Variants in PCDH11X observed in about 807,000 individuals in gnomAD.
PCDH11X encodes protocadherin 11 X-linked.
A neutral mutation model predicts 53.3 loss-of-function variants in PCDH11X; 18 were observed. The ratio of observed to expected loss-of-function variants is 0.34; its 90% confidence interval spans 0.23 to 0.50. The LOEUF (loss-of-function observed/expected upper bound fraction) is 0.50. Among genes scored for constraint, PCDH11X ranks in the 20% least tolerant of loss-of-function variants. The pLI is 0.98. For missense variants in PCDH11X, 570 were observed against 1,032.4 expected (o/e 0.55, Z 6.14); for synonymous variants, 279 against 393.3 (o/e 0.71, Z 3.44).
At position 92,056,390 on chromosome X, in the gene PCDH11X, T is replaced by G. The variant is rs187307811; in HGVS notation, c.3034-144985T>G. On this transcript the variant is annotated intron_variant, in intron 6 of 10. Coordinates refer to ENST00000682573, the MANE Select transcript of PCDH11X (RefSeq NM_032968.5). Reference sequence around the variant, plus strand: ...CTTTTTAATAAAATTGTTTGTGTGGTTTTTTTTGTAAATTTAAGTTCCTTA... The same window carrying G: ...CTTTTTAATAAAATTGTTTGTGTGGGTTTTTTTGTAAATTTAAGTTCCTTA... Among the ~76,000 whole-genome samples the G allele has an allele frequency of 4.8e-4, 53 of 111,503 alleles. 1 individual carries two copies. The East Asian group carries it at 0.011, about 23-fold the overall frequency.
intron 4 of PCDH11X, among the ~76,000 whole-genome samples, chrX:91,826,007 C>G (rs766426561): frequency 4.6e-4 from 50 of 109,635 alleles, no homozygotes; most frequent in Non-Finnish European, 9.1e-4. Context: ...TTCAAATATA[C>G]TAATACTTTT....
intron 7 of PCDH11X, among the ~76,000 whole-genome samples, chrX:92,224,593 C>T (rs1053122587): frequency 3.6e-5 from 4 of 111,316 alleles, no homozygotes; most frequent in African/African-American, 1.3e-4. Context: ...ACTAATCAAG[C>T]TGTTTCTGTA....
At chrX:92,254,454 G>T (rs369713687) in intron 7 of PCDH11X, among the ~76,000 whole-genome samples, 1 of 108,744 alleles carries the variant, frequency 9.2e-6, no homozygotes, top group East Asian at 2.9e-4. Context: ...AAAGTTAATA[G>T]TGTTATGTGT....
chrX:92,411,102 G>T (rs2071635716), intron 9 of PCDH11X, among the ~76,000 whole-genome samples: 1 of 107,474 alleles, frequency 9.3e-6, no homozygotes, highest in African/African-American at 3.5e-5. Context: ...TGTATCACCA[G>T]TTTTTAAAGC....
At chrX:92,269,197 G>A (rs140823376) in intron 8 of PCDH11X, among the ~76,000 whole-genome samples, 285 of 111,194 alleles carry the variant, frequency 2.6e-3, no homozygotes, top group African/African-American at 8.3e-3. Context: ...ATTCCTTCCC[G>A]GTTATATTTA....
At chrX:92,258,095 C>T (rs1025024752) in intron 7 of PCDH11X, among the ~76,000 whole-genome samples, 1 of 111,519 alleles carries the variant, frequency 9.0e-6, no homozygotes, top group Non-Finnish European at 1.9e-5. Flanking sequence ...ATGTGGAAAC[C>T]ATGAAGGTTT....
At position 92,013,030 on chromosome X, in the gene PCDH11X, A is replaced by G. The variant is rs186401224; in HGVS notation, c.3033+133757A>G. ...AACATAGTGTTGGAAGTTCTGGCCAAGGCAATCAGGCAGGAGAAGGAAATA... is the reference window on the plus strand; with the variant it reads ...AACATAGTGTTGGAAGTTCTGGCCAGGGCAATCAGGCAGGAGAAGGAAATA... On this transcript the variant is annotated intron_variant, in intron 6 of 10. Transcript: ENST00000682573. 7.6e-3 allele frequency among the ~76,000 whole-genome samples: 852 copies of G among 111,396 alleles called. 12 individuals are homozygous for G. Among genetic ancestry groups the G allele is most frequent in the African/African-American group, 0.025 (770 of 30,645 alleles).
intron 6 of PCDH11X, among the ~76,000 whole-genome samples, chrX:92,191,155 A>G: frequency 8.9e-6 from 1 of 112,130 alleles, no homozygotes; most frequent in East Asian, 2.8e-4. Context: ...TGATACTGGA[A>G]TATTGTCCCT....
intron 8 of PCDH11X, among the ~76,000 whole-genome samples, chrX:92,268,143 A>AT (rs2067873447): frequency 8.9e-6 from 1 of 112,275 alleles, no homozygotes; most frequent in Non-Finnish European, 1.9e-5. Flanking sequence ...TTCATGTCTT[A>AT]TTTTAGAGAA....
intron 8 of PCDH11X, among the ~76,000 whole-genome samples, chrX:92,285,470 C>T (rs1368027491): frequency 3.7e-5 from 4 of 109,583 alleles, no homozygotes; most frequent in African/African-American, 6.7e-5. Flanking sequence ...TCAGGCTGGT[C>T]GCGAACTCCT....
At chrX:92,275,659 C>T (rs1196114208) in intron 8 of PCDH11X, among the ~76,000 whole-genome samples, 1 of 111,935 alleles carries the variant, frequency 8.9e-6, no homozygotes, top group East Asian at 2.8e-4. Flanking sequence ...TGATAAGGCA[C>T]AGATTCTGAA....
rs185188709 is a variant in PCDH11X, at chrX:92,343,498, T to C, written c.3145-44237T>C. Among the ~76,000 whole-genome samples the C allele has an allele frequency of 2.6e-3, 288 of 110,077 alleles. 6 individuals are homozygous for C. The East Asian group carries it at 0.051, about 19-fold the overall frequency. On this transcript the variant is annotated intron_variant, in intron 8 of 10. Transcript: ENST00000682573. ...TTAGGTTTTATTTCAGAATTACCCATATTGGACATTATCATAAGGGAACAC... is the reference window on the plus strand; with the variant it reads ...TTAGGTTTTATTTCAGAATTACCCACATTGGACATTATCATAAGGGAACAC...
At chrX:92,570,816 A>G (rs1922116839) in intron 10 of PCDH11X, among the ~76,000 whole-genome samples, 1 of 105,140 alleles carries the variant, frequency 9.5e-6, no homozygotes, top group Non-Finnish European at 1.9e-5. Flanking sequence ...TTTGATGAAT[A>G]TATTCTGCTA....
At chrX:92,602,276 A>G (rs1926316963) in intron 10 of PCDH11X, among the ~76,000 whole-genome samples, 1 of 111,928 alleles carries the variant, frequency 8.9e-6, no homozygotes, top group African/African-American at 3.3e-5. Flanking sequence ...CAATAAGAAG[A>G]AGCCGATAGC....
chrX:92,147,810 C>CTTTCTTTTTT (rs1556065506), intron 6 of PCDH11X, among the ~76,000 whole-genome samples: 1 of 70,198 alleles, frequency 1.4e-5, no homozygotes, highest in African/African-American at 5.5e-5. Context: ...TTTCTTCCTT[C>CTTTCTTTTTT]CTTTCTTTCT....
rs2524862 is a variant in PCDH11X, at chrX:91,810,008, C to T, written c.-210+374C>T. Among the ~76,000 whole-genome samples, 5 of 111,364 alleles carry T rather than the reference C, an allele frequency of 4.5e-5. No homozygotes were observed. In the South Asian group the frequency reaches 1.5e-3, roughly 33 times the overall value. On this transcript the variant is annotated intron_variant, in intron 2 of 10. Transcript: ENST00000682573. ...ATTATCACTTTTCATTTAATCCATACTTTTTGCAACATCGATAATATAAAA... is the reference window on the plus strand; with the variant it reads ...ATTATCACTTTTCATTTAATCCATATTTTTTGCAACATCGATAATATAAAA...
At chrX:91,820,948 G>A (rs758081335) in intron 4 of PCDH11X, among the ~76,000 whole-genome samples, 1 of 108,741 alleles carries the variant, frequency 9.2e-6, no homozygotes, top group East Asian at 2.8e-4. Context: ...CCCATTGCTT[G>A]TTTTTCTCAA....
At chrX:92,516,447 T>C (rs967365640) in intron 10 of PCDH11X, among the ~76,000 whole-genome samples, 1 of 112,003 alleles carries the variant, frequency 8.9e-6, no homozygotes, top group African/African-American at 3.2e-5. Context: ...AAGTGGAATA[T>C]GAGAATAGGT....
intron 6 of PCDH11X, among the ~76,000 whole-genome samples, chrX:92,102,429 G>A (rs1018963976): frequency 1.8e-5 from 2 of 111,030 alleles, no homozygotes; most frequent in East Asian, 2.8e-4. Flanking sequence ...AATTCTGACC[G>A]CACGAACCAT....
Sources: allele counts gnomAD v4.1 joint callset (sites outside exome capture counted in the v4.1 genomes callset), GRCh38; gene constraint gnomAD v4.1.1; transcripts MANE v1.5; gene names NCBI Gene and HGNC (gene_info 2026-07-23, HGNC 2026-07-21).